Variants in CNGB1 observed in about 807,000 individuals in gnomAD.
CNGB1 encodes the protein cyclic nucleotide gated channel subunit beta 1, also known as cyclic nucleotide-gated channel beta-1.
Under a neutral mutation model 151.7 loss-of-function variants are expected in CNGB1, and 126 were observed. That is an observed-to-expected ratio of 0.83 (90% CI 0.72 to 0.96). The LOEUF (loss-of-function observed/expected upper bound fraction) is 0.96. Ranked by LOEUF, CNGB1 falls within the 40% of genes least tolerant of loss-of-function variation. CNGB1 has a pLI of 0.00. For missense variants in CNGB1, 1,698 were observed against 1,627.0 expected (o/e 1.04, Z -0.75); for synonymous variants, 623 against 635.1 (o/e 0.98, Z 0.29).
intron 27 of CNGB1, 46 bp from the exon 28 acceptor site, chr16:57,901,671 C>T: frequency 6.6e-7 from 1 of 1,525,446 alleles, no homozygotes; most frequent in Non-Finnish European, 9.0e-7. Flanking sequence ...CCGGGCCCCA[C>T]CCCAGACATA....
chr16:57,905,900 A>G (rs1245444399), intron 25 of CNGB1, among the ~76,000 whole-genome samples: 2 of 152,220 alleles, frequency 1.3e-5, no homozygotes, highest in Admixed American at 6.5e-5. Flanking sequence ...TCTGTTCTTT[A>G]TAAGTTACCC....
At chr16:57,940,389 T>C in intron 14 of CNGB1, 68 bp from the exon 15 acceptor site, 1 of 1,438,530 alleles carries the variant, frequency 7.0e-7, no homozygotes, top group South Asian at 1.2e-5. Flanking sequence ...TCCCCAGCCC[T>C]GCTGAGGGCC....
intron 12 of CNGB1, chr16:57,954,754 G>A (rs2149383734): frequency 4.1e-6 from 4 of 969,594 alleles, no homozygotes; most frequent in Non-Finnish European, 4.9e-6. Context: ...GCCTTGGAAG[G>A]AGAGAGTGTG....
At position 57,915,330 on chromosome 16, in the gene CNGB1, G is replaced by A. The variant is rs970213918; in HGVS notation, c.2223C>T (p.Asp741=). ...NYLKSRRFKM[D]LLSLLPLDFL... ...AATCCAAGGGCAGGAGGCTGAGCAG[G>A]TCCATCTGAAATCCCAGTGGGACAC... Residue 741 remains aspartate, a synonymous_variant, in exon 23 of 33, where the codon GAC becomes GAT. Transcript: ENST00000251102. 4 of 1,613,708 alleles carry A rather than the reference G, an allele frequency of 2.5e-6. No individual in the cohort carries two copies. The African/African-American group carries it at 5.3e-5, about 22-fold the overall frequency.
intron 16 of CNGB1, among the ~76,000 whole-genome samples, chr16:57,937,598 C>T (rs1045242690): frequency 3.3e-5 from 5 of 152,214 alleles, no homozygotes; most frequent in African/African-American, 4.8e-5. Flanking sequence ...CACTTACCAA[C>T]CACCGGCAGC....
chr16:57,942,760 G>A (rs1961701757), intron 14 of CNGB1, among the ~76,000 whole-genome samples: 1 of 152,012 alleles, frequency 6.6e-6, no homozygotes, highest in African/African-American at 2.4e-5. Flanking sequence ...CTACTTGGAA[G>A]GCTGAGGTGG....
chr16:57,958,470 G>A lies in CNGB1; in HGVS notation c.777C>T (p.Val259=). 1 of 1,614,096 alleles carries A rather than the reference G, an allele frequency of 6.2e-7. No homozygotes were observed. The highest frequency in any genetic ancestry group is 1.3e-5 in the African/African-American group (1 of 75,064). Residue 259 remains valine (V), a synonymous_variant, in exon 11 of 33, where the codon GTC becomes GTT. Transcript: ENST00000251102. ...TRDPARLVAW[V]LHRLEMALPQ... Reference sequence around the variant, plus strand: ...GCAAGGCCATCTCCAGCCTGTGCAGGACCCATGCCACCAGCCTGCAGGTGG... The same window carrying A: ...GCAAGGCCATCTCCAGCCTGTGCAGAACCCATGCCACCAGCCTGCAGGTGG...
At chr16:57,898,513 G>A (rs1393720736) in intron 29 of CNGB1, among the ~76,000 whole-genome samples, 3 of 152,104 alleles carry the variant, frequency 2.0e-5, no homozygotes, top group Non-Finnish European at 4.4e-5. Context: ...AAACAGCTGC[G>A]ATTACAGGCA....
At chr16:57,963,896 T>G in intron 4 of CNGB1, 1 of 578,758 alleles carries the variant, frequency 1.7e-6, no homozygotes. Context: ...GATGAATGCA[T>G]GACTGGATTT....
chr16:57,893,827 A>G (rs1276476490), intron 31 of CNGB1, among the ~76,000 whole-genome samples: 1 of 152,150 alleles, frequency 6.6e-6, no homozygotes, highest in East Asian at 1.9e-4. Context: ...AAAAATTTAC[A>G]GCAGCAAAGT....
At chr16:57,924,972 A>G (rs1488336313) in intron 17 of CNGB1, among the ~76,000 whole-genome samples, 1 of 152,046 alleles carries the variant, frequency 6.6e-6, no homozygotes, top group African/African-American at 2.4e-5. Flanking sequence ...CAATGACCCA[A>G]TTAAACCTCT....
intron 25 of CNGB1, among the ~76,000 whole-genome samples, chr16:57,909,561 G>T (rs1412807345): frequency 1.3e-5 from 2 of 152,086 alleles, no homozygotes; most frequent in Admixed American, 6.6e-5. Flanking sequence ...GCTAATTTTT[G>T]TATTTTTAGT....
Position 57,884,349 on chromosome 16 carries a change from C to CG in CNGB1, c.3570dup (p.Glu1191ArgfsTer102), listed in dbSNP as rs769866157. ...GAGCTCGGTGGAGACCCCGGGGGCT[C>CG]GGGGGGCGTCCGGGGCGCGGGTGGG... On this transcript the variant is annotated frameshift_variant, in exon 33 of 33. Transcript: ENST00000251102. LOFTEE classifies it low-confidence loss of function (END_TRUNC). The CG allele has an allele frequency of 3.2e-6, 5 of 1,568,750 alleles. No homozygotes were observed. Among genetic ancestry groups the CG allele is most frequent in the Non-Finnish European group, 8.6e-7 (1 of 1,159,908 alleles).
intron 11 of CNGB1, among the ~76,000 whole-genome samples, chr16:57,957,836 C>T (rs1962129806): frequency 6.6e-6 from 1 of 152,202 alleles, no homozygotes; most frequent in African/African-American, 2.4e-5. Flanking sequence ...CTGAGAGGGC[C>T]AGAGCTGAGG....
intron 14 of CNGB1, among the ~76,000 whole-genome samples, chr16:57,942,419 CATTTCAATAT>C (rs1961692240): frequency 6.6e-6 from 1 of 151,988 alleles, no homozygotes; most frequent in Admixed American, 6.6e-5. Context: ...AATTCAGTAG[CATTTCAATAT>C]ATTAACAATG....
In CNGB1 at chr16:57,911,764, G is replaced by T; in HGVS notation, c.2481C>A (p.Gly827=). The part of the protein sequence containing the change: ...GLGSTHWVYD[G]VGNSYIRCYY... Reference sequence around the variant, plus strand: ...GGACTGTGGCTCACCTGTTTCCCACGCCATCGTAAACCCAGTGAGTGGAGC... The same window carrying T: ...GGACTGTGGCTCACCTGTTTCCCACTCCATCGTAAACCCAGTGAGTGGAGC... Residue 827 remains glycine, a synonymous_variant, in exon 25 of 33, where the codon GGC becomes GGA. Transcript: ENST00000251102. The T allele has an allele frequency of 6.2e-7, 1 of 1,613,920 alleles. No individual in the cohort carries two copies. Among genetic ancestry groups the T allele is most frequent in the South Asian group, 1.1e-5 (1 of 91,076 alleles).
At chr16:57,944,861 G>C (rs1454339756) in intron 14 of CNGB1, among the ~76,000 whole-genome samples, 1 of 149,390 alleles carries the variant, frequency 6.7e-6, no homozygotes, top group African/African-American at 2.5e-5. Context: ...GGCTGAGGCA[G>C]GAGAATCGCT....
At chr16:57,939,313 TG>T in intron 16 of CNGB1, 116 bp downstream of exon 16, 19 of 1,446,906 alleles carry the variant, frequency 1.3e-5, no homozygotes, top group Non-Finnish European at 1.4e-5. Flanking sequence ...GAGGGGGCAA[TG>T]GGGGGAAGGA....
rs765835118 is a variant in CNGB1, at chr16:57,963,027, C to T, written c.328G>A (p.Val110Ile). The change falls in exon 5 of 33, where the codon GTA becomes ATA. Residue 110 changes from valine (V) to isoleucine (I), a missense_variant. Coordinates refer to ENST00000251102, the MANE Select transcript of CNGB1 (RefSeq NM_001297.5). Reference protein sequence around the residue: ...RRVLTWLMKGVEKVIPQPVHS... With the variant: ...RRVLTWLMKGIEKVIPQPVHS... ...ACAGGCTGCGGGATCACCTTCTCTACGCCCTTCATGAGCCAGGTCAGTACC... is the reference window on the plus strand; with the variant it reads ...ACAGGCTGCGGGATCACCTTCTCTATGCCCTTCATGAGCCAGGTCAGTACC... 3.1e-5 allele frequency: 50 copies of T among 1,613,402 alleles called. No individual in the cohort carries two copies. The highest frequency in any genetic ancestry group is 9.3e-5 in the African/African-American group (7 of 74,926).
Sources: allele counts gnomAD v4.1 joint callset (sites outside exome capture counted in the v4.1 genomes callset), GRCh38; gene constraint gnomAD v4.1.1; transcripts MANE v1.5; gene names NCBI Gene and HGNC (gene_info 2026-07-23, HGNC 2026-07-21).